Variants in SORCS2 observed in about 807,000 individuals in gnomAD.
SORCS2 encodes the protein sortilin related VPS10 domain containing receptor 2, also known as VPS10 domain-containing receptor SorCS2.
Under a neutral mutation model 141.6 loss-of-function variants are expected in SORCS2, and 100 were observed. The observed-to-expected ratio is 0.71, with a 90% CI of 0.60 to 0.83. The LOEUF is 0.83. SORCS2 is among the 40% of genes least tolerant of loss of function. The pLI is 0.00. For missense variants in SORCS2, 1,646 were observed against 1,560.2 expected, an observed-to-expected ratio of 1.05 and a Z score of -0.93; for synonymous variants, 789 against 676.9, an observed-to-expected ratio of 1.17 and a Z score of -2.57.
chr4:7,462,995 C>T (rs1431342098), intron 2 of SORCS2, among the ~76,000 whole-genome samples: 2 of 151,900 alleles, frequency 1.3e-5, no homozygotes, highest in Non-Finnish European at 2.9e-5. Flanking sequence ...AGCCACCACA[C>T]CTCCCTGGTC....
At chr4:7,418,632 C>T (rs916221727) in intron 2 of SORCS2, among the ~76,000 whole-genome samples, 1 of 152,042 alleles carries the variant, frequency 6.6e-6, no homozygotes, top group Non-Finnish European at 1.5e-5. Flanking sequence ...GAAGCTGTGC[C>T]CTCTGCGGGA....
chr4:7,652,400 T>C (rs1721500143), intron 4 of SORCS2, among the ~76,000 whole-genome samples: 1 of 152,096 alleles, frequency 6.6e-6, no homozygotes, highest in Non-Finnish European at 1.5e-5. Flanking sequence ...AACCTGAGGA[T>C]CAGCTGGCCC....
At chr4:7,678,769 T>C (rs896210883) in intron 9 of SORCS2, among the ~76,000 whole-genome samples, 2 of 150,070 alleles carry the variant, frequency 1.3e-5, no homozygotes, top group Non-Finnish European at 3.0e-5. Context: ...CAAACATGGG[T>C]CACAGCTGGT....
chr4:7,740,711 C>A lies in SORCS2; in HGVS notation c.*447C>A. On this transcript the variant is annotated 3_prime_UTR_variant, in exon 27 of 27. Coordinates refer to ENST00000507866, the MANE Select transcript of SORCS2 (RefSeq NM_020777.3). ...CCTCCCTGACTTTGCTTCTTCACTC[C>A]CACCTGTGCGGCCACCCAGTCCCTC... 1 of 295,714 alleles carries A rather than the reference C, an allele frequency of 3.4e-6. No individual in the cohort carries two copies. Among genetic ancestry groups the A allele is most frequent in the Non-Finnish European group, 6.3e-6 (1 of 159,170 alleles). The allele number at this position is 295,714 out of a possible 1,614,324, so 18.3% of individuals were successfully genotyped here. A position where few individuals can be genotyped will look rare whatever the true frequency, so the allele number is the denominator to read the frequency against.
chr4:7,374,525 G>T (rs941959873), intron 1 of SORCS2, among the ~76,000 whole-genome samples: 1 of 152,156 alleles, frequency 6.6e-6, no homozygotes, highest in Non-Finnish European at 1.5e-5. Flanking sequence ...TTGCTTTTCC[G>T]GGTGCAGTGG....
Position 7,537,797 on chromosome 4 carries a change from A to G in SORCS2, c.648+6168A>G, listed in dbSNP as rs543583418. Among the ~76,000 whole-genome samples the G allele has an allele frequency of 1.5e-3, 221 of 152,292 alleles. 2 individuals carry two copies. Among genetic ancestry groups the G allele is most frequent in the African/African-American group, 4.6e-3 (190 of 41,562 alleles). Reference sequence around the variant, plus strand: ...AGAGGCTGGAGCATCGCTTGAGCCCAGGAGTTTGAGACCAGCCTGGCCAAC... The same window carrying G: ...AGAGGCTGGAGCATCGCTTGAGCCCGGGAGTTTGAGACCAGCCTGGCCAAC... On this transcript the variant is annotated intron_variant, in intron 3 of 26. Coordinates refer to ENST00000507866, the MANE Select transcript of SORCS2 (RefSeq NM_020777.3).
intron 8 of SORCS2, among the ~76,000 whole-genome samples, chr4:7,671,734 A>G (rs1260911633): frequency 1.3e-5 from 2 of 152,260 alleles, no homozygotes; most frequent in African/African-American, 2.4e-5. Flanking sequence ...AAGCAGACCA[A>G]CATATGATTG....
chr4:7,655,592 C>T (rs900033348), intron 5 of SORCS2, among the ~76,000 whole-genome samples: 7 of 152,244 alleles, frequency 4.6e-5, no homozygotes, highest in African/African-American at 1.2e-4. Flanking sequence ...CTGGTGTACA[C>T]GCCGTTGGCT....
At chr4:7,548,961 G>T (rs57598978) in intron 3 of SORCS2, among the ~76,000 whole-genome samples, 3,649 of 152,272 alleles carry the variant, frequency 0.024, 82 homozygotes, top group African/African-American at 0.053. Flanking sequence ...AGCATAGCCT[G>T]GGGAGCTGAT....
chr4:7,230,223 G>T (rs764138440), intron 1 of SORCS2, among the ~76,000 whole-genome samples: 1 of 131,808 alleles, frequency 7.6e-6, no homozygotes, highest in Non-Finnish European at 1.6e-5. Context: ...GCAGTGTCAT[G>T]TGCTCATGTA....
At chr4:7,639,561 G>T (rs951750221) in intron 4 of SORCS2, among the ~76,000 whole-genome samples, 1 of 150,746 alleles carries the variant, frequency 6.6e-6, no homozygotes, top group African/African-American at 2.4e-5. Flanking sequence ...GTGTGACTGT[G>T]GGTGCATGTG....
At chr4:7,396,160 A>T (rs922700257) in intron 1 of SORCS2, 128 bp from the exon 2 acceptor site, 1 of 766,746 alleles carries the variant, frequency 1.3e-6, no homozygotes, top group Non-Finnish European at 2.2e-6. Context: ...GATACTGACT[A>T]AGAGAGGCCC....
intron 2 of SORCS2, among the ~76,000 whole-genome samples, chr4:7,426,657 G>T (rs910253434): frequency 1.3e-5 from 2 of 152,116 alleles, no homozygotes; most frequent in African/African-American, 4.8e-5. Flanking sequence ...CCTGGGGTGT[G>T]CTCGATGCGG....
intron 14 of SORCS2, among the ~76,000 whole-genome samples, chr4:7,710,087 T>C (rs1725725956): frequency 6.6e-6 from 1 of 152,168 alleles, no homozygotes; most frequent in South Asian, 2.1e-4. Flanking sequence ...AGGGGGTTAA[T>C]TAGTCAACCA....
chr4:7,373,480 T>TATATAA lies in SORCS2; in HGVS notation c.481-22808_481-22807insATATAA, dbSNP rs57386577. On this transcript the variant is annotated intron_variant, in intron 1 of 26. Transcript: ENST00000507866. ...CTTTTATATATATATATATATATAT[T>TATATAA]TTTTTTTTTTTTTTTTTTTTTTTTT... Among the ~76,000 whole-genome samples, 109 of 12,320 alleles carry TATATAA rather than the reference T, an allele frequency of 8.8e-3. 4 individuals carry two copies. The highest frequency in any genetic ancestry group is 0.022 in the African/African-American group (103 of 4,610). 8.1% of individuals were successfully genotyped at this position (12,320 alleles called of 152,430 possible). A position where few individuals can be genotyped will look rare whatever the true frequency, so the allele number is the denominator to read the frequency against.
intron 4 of SORCS2, among the ~76,000 whole-genome samples, chr4:7,651,904 C>G (rs915273062): frequency 5.3e-5 from 8 of 152,200 alleles, no homozygotes; most frequent in Admixed American, 1.3e-4. Context: ...TGGAAACATT[C>G]TCTGGGTGTG....
intron 1 of SORCS2, among the ~76,000 whole-genome samples, chr4:7,312,423 A>G (rs921576904): frequency 3.3e-5 from 5 of 152,086 alleles, no homozygotes; most frequent in African/African-American, 9.7e-5. Context: ...TCAGGGCACA[A>G]TGACCCCTCT....
chr4:7,481,515 G>A (rs377138130), intron 2 of SORCS2, among the ~76,000 whole-genome samples: 607 of 152,344 alleles, frequency 4.0e-3, no homozygotes, highest in Middle Eastern at 6.8e-3. Context: ...AGGGATCAAG[G>A]GCTCTGGAGA....
At chr4:7,680,225 C>T (rs10937852) in intron 9 of SORCS2, among the ~76,000 whole-genome samples, 15,676 of 152,290 alleles carry the variant, frequency 0.1, 1,052 homozygotes, top group Middle Eastern at 0.17. Flanking sequence ...ACAGAGGGAC[C>T]TGTCTGCAGC....
Sources: allele counts gnomAD v4.1 joint callset (sites outside exome capture counted in the v4.1 genomes callset), GRCh38; gene constraint gnomAD v4.1.1; transcripts MANE v1.5; gene names NCBI Gene and HGNC (gene_info 2026-07-23, HGNC 2026-07-21).